The following PEPD variants were observed in gnomAD, a reference collection of about 807,000 sequenced individuals.
The protein encoded by PEPD is xaa-Pro dipeptidase.
A neutral mutation model predicts 60.7 loss-of-function variants in PEPD; 53 were observed. That is an observed-to-expected ratio of 0.87 (90% CI 0.70 to 1.10). The LOEUF (loss-of-function observed/expected upper bound fraction) is 1.10, where lower values mean the gene tolerates loss of function less well. Ranked by LOEUF, PEPD falls within the 50% of genes least tolerant of loss-of-function variation. PEPD has a pLI of 0.00. For missense variants in PEPD, 711 were observed against 711.9 expected (o/e 1.00, Z 0.01); for synonymous variants, 267 against 284.1 (o/e 0.94, Z 0.60).
At chr19:33,467,348 C>CT (rs148366991) in intron 7 of PEPD, among the ~76,000 whole-genome samples, 6,925 of 147,976 alleles carry the variant, frequency 0.047, 201 homozygotes, top group East Asian at 0.076. Flanking sequence ...AGTTTTATGG[C>CT]TTTTTTTTTT....
Position 33,520,020 on chromosome 19 carries a change from T to C in PEPD, c.17+1724A>G, listed in dbSNP as rs578204046. 3.3e-5 allele frequency among the ~76,000 whole-genome samples: 5 copies of C among 151,364 alleles called. 1 individual carries two copies. The highest frequency in any genetic ancestry group is 2.6e-4 in the Admixed American group (4 of 15,196). On this transcript the variant is annotated intron_variant, in intron 1 of 14. Coordinates refer to ENST00000244137, the MANE Select transcript of PEPD (RefSeq NM_000285.4). ...AGGTGGAGGTTGCAGTGAGCCATCA[T>C]GCCATTGCACTCCAGACTGGGCAAC...
intron 13 of PEPD, chr19:33,388,939 C>A (rs1291496440): frequency 6.6e-6 from 1 of 152,414 alleles, no homozygotes; most frequent in African/African-American, 2.4e-5. Context: ...CCCGGGGCAC[C>A]ATCCGGCCGG....
chr19:33,433,940 C>T (rs1437291097), intron 9 of PEPD, among the ~76,000 whole-genome samples: 1 of 152,202 alleles, frequency 6.6e-6, no homozygotes, highest in Non-Finnish European at 1.5e-5. Context: ...CAGTAAACCA[C>T]ACCCATCTTA....
rs73594018 is a variant in PEPD at position 33,490,087 on chromosome 19, C to T, written c.442-30G>A. The T allele has an allele frequency of 3.4e-3, 5,411 of 1,570,844 alleles. 159 individuals carry two copies. In the African/African-American group the frequency reaches 0.063, roughly 18 times the overall value. ...GGAGAGAGAACACAGACATGACACA[C>T]GGGGCCGCATGGCGCCCCCACAGCC... is the stretch of plus-strand genomic sequence containing the variant. On this transcript the variant is annotated intron_variant, in intron 5 of 14. Transcript: ENST00000244137.
intron 4 of PEPD, among the ~76,000 whole-genome samples, chr19:33,499,135 G>A (rs1270337646): frequency 1.3e-5 from 2 of 152,102 alleles, no homozygotes; most frequent in Admixed American, 6.6e-5. Context: ...GCAAATAAAC[G>A]TTCCGTCTAT....
At chr19:33,401,644 C>G (rs142122004) in intron 12 of PEPD, 77 bp downstream of exon 12, 21 of 1,354,478 alleles carry the variant, frequency 1.6e-5, no homozygotes, top group Non-Finnish European at 2.0e-5. Flanking sequence ...CAGACCCGTT[C>G]CCTGCAGGCA....
At chr19:33,397,521 G>A (rs776900552) in intron 12 of PEPD, among the ~76,000 whole-genome samples, 14 of 152,040 alleles carry the variant, frequency 9.2e-5, no homozygotes, top group South Asian at 2.1e-4. Context: ...CCTGCCCCAC[G>A]GGCCTTCACT....
chr19:33,499,507 T>C (rs948556981), intron 4 of PEPD, among the ~76,000 whole-genome samples: 1 of 152,154 alleles, frequency 6.6e-6, no homozygotes, highest in Non-Finnish European at 1.5e-5. Context: ...TCCCTGGGAC[T>C]GGGCAGGGAA....
At chr19:33,508,145 C>G (rs573523042) in intron 3 of PEPD, among the ~76,000 whole-genome samples, 1 of 152,266 alleles carries the variant, frequency 6.6e-6, no homozygotes, top group Non-Finnish European at 1.5e-5. Context: ...AGGAGGCATC[C>G]GACCTGACTG....
At chr19:33,425,648 T>C (rs1327499555) in intron 9 of PEPD, among the ~76,000 whole-genome samples, 1 of 152,132 alleles carries the variant, frequency 6.6e-6, no homozygotes, top group Non-Finnish European at 1.5e-5. Flanking sequence ...GTTTCATTCA[T>C]GACGAGGATA....
chr19:33,438,555 C>T (rs1969423489), intron 9 of PEPD, among the ~76,000 whole-genome samples: 1 of 152,222 alleles, frequency 6.6e-6, no homozygotes, highest in Non-Finnish European at 1.5e-5. Context: ...ACTGGAGTGG[C>T]CCTGAGGTGA....
intron 6 of PEPD, among the ~76,000 whole-genome samples, chr19:33,482,355 T>C (rs1027891716): frequency 6.6e-6 from 1 of 152,172 alleles, no homozygotes; most frequent in South Asian, 2.1e-4. Context: ...TATGCTTGTA[T>C]AAATAGATGG....
chr19:33,448,065 G>C (rs1342841061), intron 9 of PEPD, among the ~76,000 whole-genome samples: 7 of 152,162 alleles, frequency 4.6e-5, no homozygotes, highest in African/African-American at 1.7e-4. Flanking sequence ...GCCCTTCCTG[G>C]ATGAAACCAT....
At chr19:33,419,712 C>A (rs987433343) in intron 9 of PEPD, among the ~76,000 whole-genome samples, 1 of 152,246 alleles carries the variant, frequency 6.6e-6, no homozygotes, top group African/African-American at 2.4e-5. Context: ...GTGGGTGATG[C>A]CATGGCTAAC....
intron 10 of PEPD, 49 bp downstream of exon 10, chr19:33,413,526 T>C: frequency 1.9e-6 from 2 of 1,069,170 alleles, no homozygotes; most frequent in Non-Finnish European, 2.8e-6. Flanking sequence ...CTAACTGCCC[T>C]ACCTCCTCCC....
At chr19:33,411,016 C>T (rs4805883) in intron 11 of PEPD, among the ~76,000 whole-genome samples, 23,924 of 152,134 alleles carry the variant, frequency 0.16, 2,540 homozygotes, top group Admixed American at 0.29. Context: ...CCCTGCACAC[C>T]GAGGGGCTGT....
intron 9 of PEPD, among the ~76,000 whole-genome samples, chr19:33,426,825 C>T (rs760738514): frequency 5.3e-5 from 8 of 152,234 alleles, no homozygotes; most frequent in Non-Finnish European, 1.0e-4. Context: ...CTGTGAAAGA[C>T]GTCTCCTCTC....
chr19:33,439,853 AT>A (rs1212756139), intron 9 of PEPD, among the ~76,000 whole-genome samples: 1 of 152,130 alleles, frequency 6.6e-6, no homozygotes, highest in African/African-American at 2.4e-5. Flanking sequence ...CCTGGAGCAA[AT>A]GCCAAACTTT....
At chr19:33,435,445 G>A (rs566805282) in intron 9 of PEPD, among the ~76,000 whole-genome samples, 6 of 151,968 alleles carry the variant, frequency 3.9e-5, no homozygotes, top group African/African-American at 1.4e-4. Context: ...CCGGCTGCCC[G>A]GGCCCCTCGG....
Sources: allele counts gnomAD v4.1 joint callset (sites outside exome capture counted in the v4.1 genomes callset), GRCh38; gene constraint gnomAD v4.1.1; transcripts MANE v1.5; gene names NCBI Gene and HGNC (gene_info 2026-07-23, HGNC 2026-07-21).